EVC2: variants seen among roughly 807,000 people sequenced by gnomAD.
EVC2 encodes limbin.
EVC2 carries 148 observed loss-of-function variants against 149.3 expected under a neutral mutation model. The ratio of observed to expected loss-of-function variants is 0.99; its 90% CI spans 0.87 to 1.14. The LOEUF is 1.14. Among genes scored for constraint, EVC2 ranks in the 50% most tolerant of loss-of-function variants. The pLI, the probability that EVC2 is intolerant of heterozygous loss-of-function variation, is 0.00. For synonymous variants in EVC2, 776 were observed against 649.9 expected (o/e 1.19, Z -2.95); for missense variants, 1,854 against 1,627.3 (o/e 1.14, Z -2.40).
rs1460794176 is a variant in EVC2, at chr4:5,625,069, A to G, written c.2046+680T>C. On this transcript the variant is annotated intron_variant, in intron 13 of 21. Transcript: ENST00000344408. This position sits in a 1 kb window ranked among gnomAD's most constrained non-coding sequence, Gnocchi z 4.0. ...CTCCATCTGACATGGTGCTCACCTC[A>G]GCTTCCTAAATCACAGATCTGATGT... Among the ~76,000 whole-genome samples the G allele has an allele frequency of 6.6e-6, 1 of 152,042 alleles. No individual in the cohort carries two copies. The highest frequency in any genetic ancestry group is 6.5e-5 in the Admixed American group (1 of 15,272).
intron 16 of EVC2, among the ~76,000 whole-genome samples, chr4:5,589,407 T>C (rs1368494871): frequency 1.3e-5 from 2 of 152,214 alleles, no homozygotes; most frequent in East Asian, 1.9e-4. Flanking sequence ...TTTTCTTCCA[T>C]GGAAGTGCTG....
rs944032277 is a variant in EVC2, at chr4:5,632,185, T to C, written c.1471-153A>G. Among the ~76,000 whole-genome samples, 5 of 152,184 alleles carry C rather than the reference T, an allele frequency of 3.3e-5. No homozygotes were observed. The East Asian group carries it at 9.6e-4, about 29-fold the overall frequency. ...ATATGCATTACAATATATACACACA[T>C]GCGCATGCAGTGTGTGCATGCACAT... On this transcript the variant is annotated intron_variant, in intron 10 of 21. Transcript: ENST00000344408.
Position 5,625,909 on chromosome 4 carries a change from C to G in EVC2, c.1887-1G>C, listed in dbSNP as rs1490912913. 6.2e-7 allele frequency: 1 copy of G among 1,613,878 alleles called. No individual in the cohort carries two copies. Among genetic ancestry groups the G allele is most frequent in the Non-Finnish European group, 8.5e-7 (1 of 1,179,954 alleles). ...TTGGTCTTCATCCAGGTACCCTGCT[C>G]TAGATGGAAAGGATGTAAAGTTAGG... On this transcript the variant is annotated splice_acceptor_variant, in intron 12 of 21. Transcript: ENST00000344408. LOFTEE classifies it high-confidence loss of function. The surrounding 1 kb of genome is among the most constrained non-coding windows in gnomAD (Gnocchi z 4.0).
intron 21 of EVC2, among the ~76,000 whole-genome samples, chr4:5,545,024 C>T (rs75118790): frequency 0.011 from 1,645 of 152,304 alleles, 28 homozygotes; most frequent in African/African-American, 0.038. Flanking sequence ...CAGCCTGCTG[C>T]TCGGCCCTCC....
At chr4:5,666,477 T>A (rs1719292766) in intron 7 of EVC2, among the ~76,000 whole-genome samples, 1 of 152,250 alleles carries the variant, frequency 6.6e-6, no homozygotes, top group Non-Finnish European at 1.5e-5. Flanking sequence ...TGCTTCAGTG[T>A]GAATTAGCAC....
rs900569601 is a variant in EVC2 at position 5,625,247 on chromosome 4, T to C, written c.2046+502A>G. 6.6e-6 allele frequency among the ~76,000 whole-genome samples: 1 copy of C among 151,750 alleles called. No individual in the cohort carries two copies. The highest frequency in any genetic ancestry group is 1.5e-5 in the Non-Finnish European group (1 of 67,960). The stretch of plus-strand genomic sequence containing the variant: ...CTCTGCACACTCCAGCCTCATCATA[T>C]TCTTAGAGTCCCCAAATACATGCCA... On this transcript the variant is annotated intron_variant, in intron 13 of 21. Coordinates refer to ENST00000344408, the MANE Select transcript of EVC2 (RefSeq NM_147127.5). The surrounding 1 kb of genome is among the most constrained non-coding windows in gnomAD (Gnocchi z 4.0).
At chr4:5,591,196 A>G (rs1712762008) in intron 16 of EVC2, among the ~76,000 whole-genome samples, 1 of 152,184 alleles carries the variant, frequency 6.6e-6, no homozygotes, top group South Asian at 2.1e-4. Context: ...TATTAAATAT[A>G]TATATTAAGC....
intron 7 of EVC2, among the ~76,000 whole-genome samples, chr4:5,675,015 C>A (rs1313420092): frequency 6.6e-6 from 1 of 152,182 alleles, no homozygotes; most frequent in Non-Finnish European, 1.5e-5. Context: ...CGTGATTTTG[C>A]CTACAGAGTG....
At chr4:5,584,327 C>T (rs1366196378) in intron 17 of EVC2, among the ~76,000 whole-genome samples, 1 of 152,160 alleles carries the variant, frequency 6.6e-6, no homozygotes, top group African/African-American at 2.4e-5. Context: ...GGAAGATACA[C>T]TGTTGTCCTC....
In EVC2 at chr4:5,668,358, T is replaced by A. The variant is rs534990936; in HGVS notation, c.871-2709A>T. Among the ~76,000 whole-genome samples the A allele has an allele frequency of 5.7e-4, 87 of 152,348 alleles. 1 individual carries two copies. Among genetic ancestry groups the A allele is most frequent in the Non-Finnish European group, 1.0e-3 (68 of 68,024 alleles). On this transcript the variant is annotated intron_variant, in intron 7 of 21. Transcript: ENST00000344408. ...GATGCCACTTATAACTCATCTTTGA[T>A]AAATCAGCCTCTGTCCACAAAGGCT...
intron 10 of EVC2, among the ~76,000 whole-genome samples, chr4:5,634,899 C>G (rs1716786016): frequency 6.6e-6 from 1 of 152,122 alleles, no homozygotes; most frequent in Non-Finnish European, 1.5e-5. Flanking sequence ...GTAGGGGCAG[C>G]CTCCACCCCG....
At chr4:5,533,216 C>A in the EVC2 span, among the ~76,000 whole-genome samples, 1 of 151,884 alleles carries the variant, frequency 6.6e-6, no homozygotes, top group African/African-American at 2.4e-5. Context: ...GGTGGGGTTG[C>A]GATTTTTAAT....
At chr4:5,708,799 G>GAGAGGCT (rs1560246576), upstream of EVC2, 1 of 327,268 alleles carries the variant, frequency 3.1e-6, no homozygotes, top group Non-Finnish European at 5.5e-6. Context: ...AGGTTACCAG[G>GAGAGGCT]ACCCCAAGGG....
At chr4:5,627,229 A>C (rs944553749) in intron 12 of EVC2, among the ~76,000 whole-genome samples, 3 of 152,220 alleles carry the variant, frequency 2.0e-5, no homozygotes, top group African/African-American at 7.2e-5. Context: ...GAACAGGTGA[A>C]GGAATCAGTA....
At chr4:5,648,670 G>A (rs1452507829) in intron 9 of EVC2, among the ~76,000 whole-genome samples, 1 of 152,210 alleles carries the variant, frequency 6.6e-6, no homozygotes, top group Non-Finnish European at 1.5e-5. Flanking sequence ...TCTCACAGAA[G>A]ATTGGCTGCA....
rs149854557 is a variant in EVC2, at chr4:5,622,741, C to A, written c.2297G>T (p.Arg766Leu). 4.0e-5 allele frequency: 65 copies of A among 1,614,080 alleles called. No homozygotes were observed. Among genetic ancestry groups the A allele is most frequent in the South Asian group, 3.3e-4 (30 of 91,074 alleles). Residue 766 changes from arginine (R) to leucine (L), a missense_variant, in exon 14 of 22, where the codon CGT becomes CTT. Arg to Leu is a moderately radical substitution (Grantham distance 102). Transcript: ENST00000344408. This position sits in a 1 kb window ranked among gnomAD's most constrained non-coding sequence, Gnocchi z 5.8. Reference protein sequence around the residue: ...NSAMTQELLKRGVPWLFLQQI... With the variant: ...NSAMTQELLKLGVPWLFLQQI... The stretch of plus-strand genomic sequence containing the variant: ...CTGCAGGAAGAGCCAGGGCACCCCA[C>A]GCTTGAGCAGCTCCTGGGTCATGGC...
At chr4:5,680,232 A>T (rs895212306) in intron 7 of EVC2, among the ~76,000 whole-genome samples, 1 of 152,196 alleles carries the variant, frequency 6.6e-6, no homozygotes, top group African/African-American at 2.4e-5. Flanking sequence ...AAATAACAAT[A>T]AAAAGTATGT....
intron 1 of EVC2, 98 bp from the exon 2 acceptor site, chr4:5,697,745 A>AATTT: frequency 9.5e-7 from 1 of 1,047,592 alleles, no homozygotes; most frequent in Non-Finnish European, 1.4e-6. Flanking sequence ...GAGGACATGC[A>AATTT]CTTTTTTTTT....
At chr4:5,604,056 T>G (rs1288617084) in intron 16 of EVC2, among the ~76,000 whole-genome samples, 1 of 152,232 alleles carries the variant, frequency 6.6e-6, no homozygotes, top group Non-Finnish European at 1.5e-5. Flanking sequence ...TCACTCTTTC[T>G]GAGACTCAGT....
Sources: gnomAD v4.1 joint callset for allele counts (sites outside exome capture counted in the v4.1 genomes callset) on GRCh38, gnomAD v4.1.1 for gene constraint, Gnocchi (gnomAD v3.1) non-coding constraint, MANE v1.5 for transcripts, NCBI Gene and HGNC (gene_info 2026-07-23, HGNC 2026-07-21) for gene names.